UBAP2: variants seen among roughly 807,000 people sequenced by gnomAD.
The protein encoded by UBAP2 is ubiquitin associated protein 2, also known as ubiquitin-associated protein 2.
A neutral mutation model predicts 139.6 loss-of-function variants in UBAP2; 75 were observed. The observed-to-expected ratio is 0.54, with a 90% CI of 0.45 to 0.65. The LOEUF (loss-of-function observed/expected upper bound fraction) is 0.65. Among genes scored for constraint, UBAP2 ranks in the 30% least tolerant of loss-of-function variants. The pLI, the probability that UBAP2 is intolerant of heterozygous loss-of-function variation, is 0.00. For synonymous variants in UBAP2, 526 were observed against 526.2 expected (o/e 1.00, Z 0.01); for missense variants, 1,368 against 1,369.6 (o/e 1.00, Z 0.02).
At chr9:33,981,838 G>C (rs866046752) in intron 6 of UBAP2, among the ~76,000 whole-genome samples, 3 of 135,998 alleles carry the variant, frequency 2.2e-5, no homozygotes, top group Admixed American at 7.4e-5. Context: ...AAGGAGGGAA[G>C]GGGGGAAAGG....
intron 1 of UBAP2, among the ~76,000 whole-genome samples, chr9:34,044,831 A>C (rs1240642769): frequency 6.6e-6 from 1 of 152,084 alleles, no homozygotes; most frequent in African/African-American, 2.4e-5. Flanking sequence ...GTACCACTGC[A>C]CTCCAACCTG....
chr9:33,989,345 G>A (rs1308276630), intron 4 of UBAP2, among the ~76,000 whole-genome samples: 1 of 152,108 alleles, frequency 6.6e-6, no homozygotes, highest in Non-Finnish European at 1.5e-5. Context: ...GGGACTACAG[G>A]CGCCTGCCAC....
intron 1 of UBAP2, among the ~76,000 whole-genome samples, chr9:34,035,514 A>AAAATATATATATATAT: frequency 0.13 from 2,904 of 22,468 alleles, 544 homozygotes; most frequent in Non-Finnish European, 0.23. Flanking sequence ...AAAAAAAAAA[A>AAAATATATATATATAT]ATATATATAT....
At chr9:33,944,718 C>T in intron 13 of UBAP2, 79 bp from the exon 14 acceptor site, 1 of 1,452,782 alleles carries the variant, frequency 6.9e-7, no homozygotes, top group Non-Finnish European at 9.3e-7. Flanking sequence ...GTTCTATTAC[C>T]ACCAATTTCT....
chr9:34,001,304 G>A (rs1822681052), intron 2 of UBAP2, among the ~76,000 whole-genome samples: 1 of 152,224 alleles, frequency 6.6e-6, no homozygotes, highest in Admixed American at 6.5e-5. Flanking sequence ...TACTAGGGTA[G>A]CCTCCTAGTG....
At chr9:34,026,333 C>T (rs1825399112) in intron 1 of UBAP2, among the ~76,000 whole-genome samples, 1 of 152,156 alleles carries the variant, frequency 6.6e-6, no homozygotes, top group Admixed American at 6.6e-5. Flanking sequence ...TCAGCTACTA[C>T]ATCAAATAAA....
In UBAP2 at chr9:33,932,620, G is replaced by C; in HGVS notation, c.2117C>G (p.Ser706Cys). ...SPLSQLSSSL[S>C]SHQSSLSAHA... ...TGCAGAGAGGCTGCTCTGGTGGCTG[G>C]AGAGCGAACTAGAAGACAAAACAGA... The change falls in exon 19 of 29, where the codon TCC becomes TGC. Residue 706 changes from serine (S) to cysteine (C), a missense_variant. Transcript: ENST00000379238. The C allele has an allele frequency of 6.2e-7, 1 of 1,614,068 alleles. No individual in the cohort carries two copies. Among genetic ancestry groups the C allele is most frequent in the Non-Finnish European group, 8.5e-7 (1 of 1,180,036 alleles).
intron 3 of UBAP2, 116 bp downstream of exon 3, chr9:33,998,671 G>T: frequency 2.3e-6 from 2 of 858,754 alleles, no homozygotes; most frequent in Non-Finnish European, 1.8e-6. Context: ...ACAGATTTCA[G>T]GTGAGACTAG....
intron 2 of UBAP2, among the ~76,000 whole-genome samples, chr9:34,002,346 T>C (rs1159199944): frequency 6.6e-6 from 1 of 151,842 alleles, no homozygotes; most frequent in East Asian, 1.9e-4. Context: ...ATATCACGTT[T>C]AATGCTACAT....
intron 4 of UBAP2, among the ~76,000 whole-genome samples, chr9:33,989,458 C>T (rs949229219): frequency 3.3e-5 from 5 of 152,144 alleles, no homozygotes; most frequent in East Asian, 1.9e-4. Flanking sequence ...GCCTTGGCCT[C>T]CCAAAGTGCT....
In UBAP2 at chr9:33,923,369, T is replaced by C; in HGVS notation, c.2896+10A>G. 6.2e-7 allele frequency: 1 copy of C among 1,614,136 alleles called. No homozygotes were observed. Among genetic ancestry groups the C allele is most frequent in the Non-Finnish European group, 8.5e-7 (1 of 1,179,976 alleles). ...ACCCCATGTGTCTCTGTCTGGGAAG[T>C]ACCCCTCACCTGTACTGTAGCCGTG... On this transcript the variant is annotated intron_variant, in intron 25 of 28. Coordinates refer to ENST00000379238, the MANE Select transcript of UBAP2 (RefSeq NM_001370062.2).
Position 33,943,609 on chromosome 9 carries a change from G to A in UBAP2, c.1546-20C>T, listed in dbSNP as rs7040067. 3.1e-3 allele frequency: 4,982 copies of A among 1,613,372 alleles called. 121 individuals are homozygous for A. In the African/African-American group the frequency reaches 0.054, roughly 17 times the overall value. ...TGGGATCTGAAAAAGCAAAGCTGTC[G>A]TGTCAGGAACAGAGGTCACAGATTC... On this transcript the variant is annotated intron_variant, in intron 14 of 28. Transcript: ENST00000379238.
intron 8 of UBAP2, among the ~76,000 whole-genome samples, chr9:33,969,551 TAA>T (rs60255464): frequency 1.8e-4 from 25 of 140,620 alleles, no homozygotes; most frequent in South Asian, 2.2e-4. Flanking sequence ...GCTCTCTCTT[TAA>T]AAAAAAAAAA....
chr9:33,965,062 A>C (rs1351716573), intron 8 of UBAP2, among the ~76,000 whole-genome samples: 1 of 152,182 alleles, frequency 6.6e-6, no homozygotes, highest in African/African-American at 2.4e-5. Flanking sequence ...TTCCCTTATA[A>C]ATGCAAATAT....
intron 19 of UBAP2, 149 bp from the exon 20 acceptor site, chr9:33,928,141 T>A: frequency 1.3e-6 from 1 of 750,852 alleles, no homozygotes; most frequent in East Asian, 2.7e-5. Context: ...TGAGAGGCTC[T>A]GTGCTCAGTG....
Position 33,933,482 on chromosome 9 carries a change from C to G in UBAP2, c.2108+8G>C. On this transcript the variant is annotated splice_region_variant and intron_variant, in intron 18 of 28. Coordinates refer to ENST00000379238, the MANE Select transcript of UBAP2 (RefSeq NM_001370062.2). ...ACTTCTCACTTTGGGCCCACACCTT[C>G]CCCATACCTGCTAAGCTGAGAGAGA... The G allele has an allele frequency of 6.2e-7, 1 of 1,613,446 alleles. No individual in the cohort carries two copies.
At chr9:33,942,140 C>T (rs1361589742) in intron 15 of UBAP2, among the ~76,000 whole-genome samples, 3 of 151,658 alleles carry the variant, frequency 2.0e-5, no homozygotes, top group South Asian at 4.2e-4. Context: ...GGTGAAACCC[C>T]GTCTCTACTA....
intron 20 of UBAP2, 139 bp downstream of exon 20, chr9:33,927,658 G>T: frequency 1.2e-6 from 1 of 819,134 alleles, no homozygotes; most frequent in Non-Finnish European, 1.8e-6. Flanking sequence ...TGGGGAGATT[G>T]GGCCTCAAGG....
chr9:33,963,407 C>T (rs1827218342), intron 9 of UBAP2, among the ~76,000 whole-genome samples: 1 of 152,172 alleles, frequency 6.6e-6, no homozygotes, highest in African/African-American at 2.4e-5. Flanking sequence ...TTCAACAATC[C>T]TTATTTTCAG....
Sources: allele counts gnomAD v4.1 joint callset (sites outside exome capture counted in the v4.1 genomes callset), GRCh38; gene constraint gnomAD v4.1.1; transcripts MANE v1.5; gene names NCBI Gene and HGNC (gene_info 2026-07-23, HGNC 2026-07-21).